ARHGAP24: variants seen among roughly 807,000 people sequenced by gnomAD.
ARHGAP24 encodes the protein rho GTPase-activating protein 24.
ARHGAP24 carries 50 observed loss-of-function variants against 76.4 expected under a neutral mutation model. The ratio of observed to expected loss-of-function variants is 0.65; its 90% CI spans 0.52 to 0.83. The LOEUF (loss-of-function observed/expected upper bound fraction) is 0.83. ARHGAP24 is among the 40% of genes least tolerant of loss of function. ARHGAP24 has a pLI of 0.00. For synonymous variants in ARHGAP24, 345 were observed against 323.3 expected, an observed-to-expected ratio of 1.07 and a Z score of -0.72; for missense variants, 930 against 914.2, an observed-to-expected ratio of 1.02 and a Z score of -0.22.
At chr4:85,532,566 ATC>A (rs1303293860) in intron 1 of ARHGAP24, among the ~76,000 whole-genome samples, 1 of 152,158 alleles carries the variant, frequency 6.6e-6, no homozygotes. Flanking sequence ...ACAGAATTTA[ATC>A]TCCCCATTTA....
At chr4:85,853,649 G>A (rs763931905) in intron 3 of ARHGAP24, among the ~76,000 whole-genome samples, 3 of 152,132 alleles carry the variant, frequency 2.0e-5, no homozygotes, top group Non-Finnish European at 4.4e-5. Context: ...AAACCTGGCC[G>A]AGCACAGTGG....
chr4:85,981,585 A>T (rs1286403476), intron 8 of ARHGAP24, among the ~76,000 whole-genome samples: 1 of 152,086 alleles, frequency 6.6e-6, no homozygotes, highest in South Asian at 2.1e-4. Context: ...GTTTTTTCCC[A>T]TCATATCAAA....
At chr4:85,789,104 G>A (rs1267156993) in intron 3 of ARHGAP24, among the ~76,000 whole-genome samples, 1 of 151,694 alleles carries the variant, frequency 6.6e-6, no homozygotes, top group East Asian at 1.9e-4. Flanking sequence ...CAATTAGAAT[G>A]TTGGAACTTT....
chr4:85,477,246 C>A (rs1722635927), intron 1 of ARHGAP24, among the ~76,000 whole-genome samples: 1 of 152,130 alleles, frequency 6.6e-6, no homozygotes, highest in African/African-American at 2.4e-5. Context: ...CTCAGACTGT[C>A]CTTGGCTTTC....
At chr4:85,671,526 A>G (rs1237689355) in intron 2 of ARHGAP24, among the ~76,000 whole-genome samples, 1 of 152,212 alleles carries the variant, frequency 6.6e-6, no homozygotes, top group African/African-American at 2.4e-5. Context: ...GAAGTGATTC[A>G]ACAAAGTTTG....
intron 3 of ARHGAP24, among the ~76,000 whole-genome samples, chr4:85,896,352 AAAAC>A (rs1734179223): frequency 6.6e-6 from 1 of 152,240 alleles, no homozygotes; most frequent in South Asian, 2.1e-4. Flanking sequence ...GATCTTGAAT[AAAAC>A]TGCCATTTAT....
intron 1 of ARHGAP24, among the ~76,000 whole-genome samples, chr4:85,537,718 T>C: frequency 6.6e-6 from 1 of 152,176 alleles, no homozygotes; most frequent in East Asian, 1.9e-4. Flanking sequence ...ATCTGGCCAT[T>C]AGTGGCCAGC....
chr4:85,801,880 C>A (rs562119944), intron 3 of ARHGAP24, among the ~76,000 whole-genome samples: 1 of 152,340 alleles, frequency 6.6e-6, no homozygotes, highest in South Asian at 2.1e-4. Flanking sequence ...ATGGAGAAGA[C>A]CACAGCTCTA....
chr4:85,886,684 A>T (rs1477410839), intron 3 of ARHGAP24, among the ~76,000 whole-genome samples: 1 of 152,214 alleles, frequency 6.6e-6, no homozygotes, highest in Non-Finnish European at 1.5e-5. Flanking sequence ...AAGTGAATAC[A>T]TTAAACAATG....
intron 4 of ARHGAP24, 82 bp downstream of exon 4, chr4:85,923,852 A>C: frequency 6.3e-7 from 1 of 1,584,344 alleles, no homozygotes; most frequent in Non-Finnish European, 8.7e-7. Flanking sequence ...TGTTACTATT[A>C]GCTCCTGTAT....
At chr4:85,935,046 A>G (rs377447836) in intron 4 of ARHGAP24, among the ~76,000 whole-genome samples, 176 of 152,376 alleles carry the variant, frequency 1.2e-3, no homozygotes, top group African/African-American at 4.1e-3. Flanking sequence ...CCCAGAATCC[A>G]TAGGCAATAG....
intron 2 of ARHGAP24, among the ~76,000 whole-genome samples, chr4:85,628,746 T>C (rs990565588): frequency 1.3e-5 from 2 of 152,260 alleles, no homozygotes; most frequent in East Asian, 3.8e-4. Flanking sequence ...ATAATGACCT[T>C]CTTTGTTTCT....
intron 4 of ARHGAP24, among the ~76,000 whole-genome samples, chr4:85,938,791 G>A (rs1248069030): frequency 6.6e-6 from 1 of 151,770 alleles, no homozygotes; most frequent in Non-Finnish European, 1.5e-5. Flanking sequence ...GCTTTGGGGG[G>A]CAGCATGCTC....
intron 1 of ARHGAP24, among the ~76,000 whole-genome samples, chr4:85,540,772 A>G (rs1375438343): frequency 2.0e-5 from 3 of 152,166 alleles, no homozygotes; most frequent in Non-Finnish European, 4.4e-5. Context: ...ATGAATGAAA[A>G]TATATAATTA....
At chr4:85,487,855 TTA>T (rs1276783401) in intron 1 of ARHGAP24, among the ~76,000 whole-genome samples, 12 of 123,632 alleles carry the variant, frequency 9.7e-5, no homozygotes, top group African/African-American at 2.8e-4. Flanking sequence ...TATATATTTA[TTA>T]TATATATTAT....
intron 3 of ARHGAP24, among the ~76,000 whole-genome samples, chr4:85,909,669 T>C: frequency 6.6e-6 from 1 of 152,188 alleles, no homozygotes. Context: ...CTAGGTTGAA[T>C]TGACTTGTGG....
intron 3 of ARHGAP24, among the ~76,000 whole-genome samples, chr4:85,825,750 C>T (rs1011619517): frequency 1.3e-5 from 2 of 152,222 alleles, no homozygotes; most frequent in Non-Finnish European, 2.9e-5. Flanking sequence ...AATCTCTGGA[C>T]TCTTTGTAAA....
intron 1 of ARHGAP24, among the ~76,000 whole-genome samples, chr4:85,501,353 C>G (rs1232075073): frequency 6.6e-6 from 1 of 152,134 alleles, no homozygotes; most frequent in Non-Finnish European, 1.5e-5. Context: ...AGTGTAAATG[C>G]ATTCCTATTT....
Position 85,850,684 on chromosome 4 carries a change from T to C in ARHGAP24, c.269-72964T>C, listed in dbSNP as rs576837847. Among the ~76,000 whole-genome samples the C allele has an allele frequency of 1.0e-3, 156 of 152,342 alleles. 1 individual carries two copies. Among genetic ancestry groups the C allele is most frequent in the African/African-American group, 3.7e-3 (154 of 41,574 alleles). On this transcript the variant is annotated intron_variant, in intron 3 of 9. Transcript: ENST00000395184. ...CATTGGTTTCAAAGAACATCTTTATTTCTGCCTTCATTTCATTACATACCC... is the reference window on the plus strand; with the variant it reads ...CATTGGTTTCAAAGAACATCTTTATCTCTGCCTTCATTTCATTACATACCC...
Sources: gnomAD v4.1 joint callset for allele counts (sites outside exome capture counted in the v4.1 genomes callset) on GRCh38, gnomAD v4.1.1 for gene constraint, MANE v1.5 for transcripts, NCBI Gene and HGNC (gene_info 2026-07-23, HGNC 2026-07-21) for gene names.